Variants in GAS6 observed in about 807,000 individuals in gnomAD.
The protein encoded by GAS6 is growth arrest-specific protein 6.
In GAS6, 41 loss-of-function variants were observed where a neutral mutation model predicts 75.8. The observed-to-expected ratio is 0.54, with a 90% CI of 0.42 to 0.70. The LOEUF is 0.70. Ranked by LOEUF, GAS6 falls within the 30% of genes least tolerant of loss-of-function variation. The pLI is 0.00. For synonymous variants in GAS6, 432 were observed against 412.6 expected (o/e 1.05, Z -0.57); for missense variants, 854 against 940.2 (o/e 0.91, Z 1.20).
chr13:113,829,093 T>C lies in GAS6; in HGVS notation c.1144-382A>G, dbSNP rs1325276825. On this transcript the variant is annotated intron_variant, in intron 10 of 14. Transcript: ENST00000327773. Reference sequence around the variant, plus strand: ...CTCACCTGGGCCAAGAGGGTCCCGATCTCAGGGAGGCCACCTGATCCTCAC... The same window carrying C: ...CTCACCTGGGCCAAGAGGGTCCCGACCTCAGGGAGGCCACCTGATCCTCAC... Among the ~76,000 whole-genome samples the C allele has an allele frequency of 1.6e-4, 10 of 61,292 alleles. 2 individuals are homozygous for C. The highest frequency in any genetic ancestry group is 7.5e-4 in the African/African-American group (5 of 6,696). 40.2% of individuals were successfully genotyped at this position (61,292 alleles called of 152,430 possible).
chr13:113,863,606 G>A lies in GAS6; in HGVS notation c.224C>T (p.Ala75Val), dbSNP rs775231048. The change falls in exon 2 of 15, where the codon GCG becomes GTG. Residue 75 changes from alanine (A) to valine (V), a missense_variant. Transcript: ENST00000327773. This position sits in a 1 kb window ranked among gnomAD's most constrained non-coding sequence, Gnocchi z 9.4. Reference protein sequence around the residue: ...CVEELCSREEAREVFENDPET... With the variant: ...CVEELCSREEVREVFENDPET... The stretch of plus-strand genomic sequence containing the variant: ...GGGGTCGTTCTCGAACACCTCCCGC[G>A]CCTCCTCGCGGCTGCACAGCTCCTC... The A allele has an allele frequency of 1.8e-5, 28 of 1,523,054 alleles. No individual in the cohort carries two copies. The highest frequency in any genetic ancestry group is 2.9e-5 in the African/African-American group (2 of 69,580). 94.3% of individuals were successfully genotyped at this position (1,523,054 alleles called of 1,614,324 possible). A position where few individuals can be genotyped will look rare whatever the true frequency, so the allele number is the denominator to read the frequency against.
intron 6 of GAS6, among the ~76,000 whole-genome samples, chr13:113,836,952 C>T (rs959969492): frequency 3.5e-5 from 5 of 144,770 alleles, no homozygotes; most frequent in East Asian, 4.2e-4. Context: ...GAGGAGAGGA[C>T]GGGAATGCCT....
chr13:113,860,241 G>GC (rs2051960758), intron 2 of GAS6, among the ~76,000 whole-genome samples: 1 of 152,226 alleles, frequency 6.6e-6, no homozygotes. Flanking sequence ...GGGTACAGGT[G>GC]CAGGTTGCTA....
At chr13:113,832,889 G>T (rs1229618710) in intron 8 of GAS6, 137 bp from the exon 9 acceptor site, 1 of 1,544,238 alleles carries the variant, frequency 6.5e-7, no homozygotes, top group Non-Finnish European at 8.7e-7. Flanking sequence ...TAGCTGCTGA[G>T]ACCCCAGAGG....
chr13:113,854,901 G>T (rs1020316905), intron 2 of GAS6, among the ~76,000 whole-genome samples: 14 of 152,352 alleles, frequency 9.2e-5, no homozygotes, highest in African/African-American at 3.1e-4. Context: ...CTAAAGACAG[G>T]CCAGTCTGTG....
At chr13:113,836,175 G>C (rs1291679894) in intron 6 of GAS6, 2 of 420,118 alleles carry the variant, frequency 4.8e-6, no homozygotes, top group Non-Finnish European at 5.7e-6. Flanking sequence ...CACCAGAGGA[G>C]AGCAAAGGCA....
chr13:113,821,864 A>G, intron 14 of GAS6, 94 bp downstream of exon 14: 1 of 1,024,764 alleles, frequency 9.8e-7, no homozygotes, highest in Non-Finnish European at 1.4e-6. Context: ...ATTCACTACC[A>G]GAAACCCCAG....
rs554633146 is a variant in GAS6 at position 113,837,318 on chromosome 13, G to A, written c.589+751C>T. ...CCTGTCTGGTCAGATTCACTCTCCAGATCCTGGGGCTGTTTCTCCCTGAGC... is the reference window on the plus strand; with the variant it reads ...CCTGTCTGGTCAGATTCACTCTCCAAATCCTGGGGCTGTTTCTCCCTGAGC... On this transcript the variant is annotated intron_variant, in intron 6 of 14. Coordinates refer to ENST00000327773, the MANE Select transcript of GAS6 (RefSeq NM_000820.4). The surrounding 1 kb of genome is among the most constrained non-coding windows in gnomAD (Gnocchi z 5.1). 6.6e-6 allele frequency among the ~76,000 whole-genome samples: 1 copy of A among 152,132 alleles called. No homozygotes were observed. The highest frequency in any genetic ancestry group is 2.4e-5 in the African/African-American group (1 of 41,416).
At chr13:113,821,863 C>T (rs988605107) in intron 14 of GAS6, 95 bp downstream of exon 14, 6 of 1,015,758 alleles carry the variant, frequency 5.9e-6, no homozygotes, top group Non-Finnish European at 8.3e-6. Flanking sequence ...CATTCACTAC[C>T]AGAAACCCCA....
Position 113,864,055 on chromosome 13 carries a change from C to T in GAS6, c.-135G>A. On this transcript the variant is annotated 5_prime_UTR_variant, in exon 1 of 15. Coordinates refer to ENST00000327773, the MANE Select transcript of GAS6 (RefSeq NM_000820.4). ...GCGGCGGCGGCGGCGGCGGCGGCTG[C>T]GGCACCTCAAGCGCTCGGTCTGGGC... 1 of 917,312 alleles carries T rather than the reference C, an allele frequency of 1.1e-6. No homozygotes were observed. Among genetic ancestry groups the T allele is most frequent in the South Asian group, 4.8e-5 (1 of 20,740 alleles). 56.8% of individuals were successfully genotyped at this position (917,312 alleles called of 1,614,324 possible).
intron 4 of GAS6, chr13:113,843,469 C>CGGGGCTCAGTGACCGCTGCCT (rs1200763637): frequency 2.0e-5 from 3 of 151,224 alleles, no homozygotes; most frequent in Non-Finnish European, 4.4e-5. Flanking sequence ...TCCCGGTAGC[C>CGGGGCTCAGTGACCGCTGCCT]GGGGCTCAGT....
chr13:113,823,584 G>GCACGGTGGAGAGGC, intron 12 of GAS6, 34 bp from the exon 13 acceptor site: 1 of 1,575,106 alleles, frequency 6.3e-7, no homozygotes, highest in Non-Finnish European at 8.7e-7. Flanking sequence ...AGGGTGGTAT[G>GCACGGTGGAGAGGC]CACGGTGGAG....
intron 2 of GAS6, among the ~76,000 whole-genome samples, chr13:113,861,520 T>G (rs1345510725): frequency 6.6e-6 from 1 of 152,178 alleles, no homozygotes; most frequent in East Asian, 1.9e-4. Context: ...CCCCTGGCCT[T>G]TGACAGGGAG....
chr13:113,838,876 C>T (rs12868614), intron 5 of GAS6, among the ~76,000 whole-genome samples: 39,376 of 151,928 alleles, frequency 0.26, 5,234 homozygotes, highest in South Asian at 0.38. Context: ...GGTGCACAGC[C>T]CAGCCCTGGA....
intron 7 of GAS6, among the ~76,000 whole-genome samples, 168 bp downstream of exon 7, chr13:113,835,345 C>A (rs866512624): frequency 6.6e-6 from 1 of 151,546 alleles, no homozygotes; most frequent in Non-Finnish European, 1.5e-5. Context: ...CACGTGTGTG[C>A]GGGCATGGTG....
intron 14 of GAS6, 46 bp from the exon 15 acceptor site, chr13:113,821,064 C>CGGCCCCGCCT: frequency 6.3e-7 from 1 of 1,590,796 alleles, no homozygotes; most frequent in African/African-American, 1.3e-5. Flanking sequence ...ACCACGTGGC[C>CGGCCCCGCCT]GGCCCCGCCT....
chr13:113,848,103 C>T lies in GAS6; in HGVS notation c.256-53G>A. The T allele has an allele frequency of 6.3e-7, 1 of 1,584,292 alleles. No homozygotes were observed. The highest frequency in any genetic ancestry group is 8.6e-7 in the Non-Finnish European group (1 of 1,159,676). On this transcript the variant is annotated intron_variant, in intron 2 of 14. Transcript: ENST00000327773. The surrounding 1 kb of genome is among the most constrained non-coding windows in gnomAD (Gnocchi z 4.8). Reference sequence around the variant, plus strand: ...GCATTGACCGGCACACTACGAGGGTCTCTGAACAACATAAGCATCAGCTGG... The same window carrying T: ...GCATTGACCGGCACACTACGAGGGTTTCTGAACAACATAAGCATCAGCTGG...
rs1017858772 is a variant in GAS6 at position 113,843,181 on chromosome 13, G to C, written c.344-3331C>G. On this transcript the variant is annotated intron_variant, in intron 4 of 14. Transcript: ENST00000327773. ...GACCCCGTCCACCTCCCTGACCCCC[G>C]CCCACCTCCCTGATCCCCATCCCGC... 2.0e-4 allele frequency: 49 copies of C among 251,078 alleles called. 6 individuals are homozygous for C. Among genetic ancestry groups the C allele is most frequent in the African/African-American group, 1.0e-3 (45 of 43,278 alleles). The allele number at this position is 251,078 out of a possible 1,614,324, so 15.6% of individuals were successfully genotyped here. A position where few individuals can be genotyped will look rare whatever the true frequency, so the allele number is the denominator to read the frequency against.
intron 5 of GAS6, 159 bp downstream of exon 5, chr13:113,839,569 T>G: frequency 1.1e-6 from 1 of 896,846 alleles, no homozygotes; most frequent in Non-Finnish European, 1.6e-6. Flanking sequence ...CTCCTCCCAA[T>G]TCTCCTGGGG....
Sources: gnomAD v4.1 joint callset for allele counts (sites outside exome capture counted in the v4.1 genomes callset) on GRCh38, gnomAD v4.1.1 for gene constraint, Gnocchi (gnomAD v3.1) non-coding constraint, MANE v1.5 for transcripts, NCBI Gene and HGNC (gene_info 2026-07-23, HGNC 2026-07-21) for gene names.